The following NFIB variants were observed in gnomAD, a reference collection of about 807,000 sequenced individuals.
The protein encoded by NFIB is nuclear factor I B, also known as nuclear factor 1 B-type.
A neutral mutation model predicts 61.5 loss-of-function variants in NFIB; 11 were observed. That is an observed-to-expected ratio of 0.18 (90% CI 0.11 to 0.30). NFIB has a LOEUF of 0.30. NFIB is among the 10% of genes least tolerant of loss of function. The probability of loss-of-function intolerance (pLI) is 1.00; values close to 1 mark genes in which losing one functional copy is unlikely to be tolerated. For synonymous variants in NFIB, 260 were observed against 216.5 expected (o/e 1.20, Z -1.76); for missense variants, 471 against 608.9 (o/e 0.77, Z 2.38).
At chr9:14,355,813 C>T (rs1243978543) in intron 1 of NFIB, among the ~76,000 whole-genome samples, 1 of 152,062 alleles carries the variant, frequency 6.6e-6, no homozygotes, top group Non-Finnish European at 1.5e-5. Context: ...AGAAATTAGC[C>T]AGTCGTGGTG....
At chr9:14,422,670 A>G in the NFIB span, among the ~76,000 whole-genome samples, 1 of 152,246 alleles carries the variant, frequency 6.6e-6, no homozygotes, top group African/African-American at 2.4e-5. Context: ...TTGGCTCAGC[A>G]TAGGTCATGG....
intron 1 of NFIB, among the ~76,000 whole-genome samples, chr9:14,351,461 C>T: frequency 6.6e-6 from 1 of 152,186 alleles, no homozygotes; most frequent in East Asian, 1.9e-4. Flanking sequence ...CTTCTGCCTA[C>T]CAAGGGCATC....
chr9:14,288,062 T>C (rs1489459785), intron 2 of NFIB, among the ~76,000 whole-genome samples: 1 of 152,146 alleles, frequency 6.6e-6, no homozygotes, highest in African/African-American at 2.4e-5. Flanking sequence ...AAATACAGTA[T>C]ATTTGCAGAA....
chr9:14,323,695 C>G (rs1454448067), intron 1 of NFIB, among the ~76,000 whole-genome samples: 1 of 152,218 alleles, frequency 6.6e-6, no homozygotes, highest in African/African-American at 2.4e-5. Flanking sequence ...AATGTGAGCA[C>G]GTCAGTATTT....
At chr9:14,406,265 T>C in the NFIB span, among the ~76,000 whole-genome samples, 1 of 152,202 alleles carries the variant, frequency 6.6e-6, no homozygotes, top group Non-Finnish European at 1.5e-5. Context: ...CAGTAAAATA[T>C]GACACCTTCA....
At chr9:14,310,869 G>T (rs2132731150) in intron 1 of NFIB, among the ~76,000 whole-genome samples, 1 of 152,208 alleles carries the variant, frequency 6.6e-6, no homozygotes, top group Non-Finnish European at 1.5e-5. Flanking sequence ...CCGTTTCCAT[G>T]AAAGGGATGG....
the NFIB span, among the ~76,000 whole-genome samples, chr9:14,423,215 C>T: frequency 3.5e-4 from 54 of 152,224 alleles, no homozygotes; most frequent in African/African-American, 1.2e-3. Flanking sequence ...CGGGGCAAAA[C>T]GTACTCATCT....
At chr9:14,204,519 C>T in intron 2 of NFIB, 2 of 1,276,114 alleles carry the variant, frequency 1.6e-6, no homozygotes, top group South Asian at 2.4e-5. Flanking sequence ...GACCACCAAA[C>T]AGCTACTCAG....
intron 2 of NFIB, among the ~76,000 whole-genome samples, chr9:14,253,283 TGAAA>T (rs2055858920): frequency 6.6e-6 from 1 of 152,158 alleles, no homozygotes; most frequent in Non-Finnish European, 1.5e-5. Context: ...AACAAATGTT[TGAAA>T]GAAAGAGACT....
the NFIB span, among the ~76,000 whole-genome samples, chr9:14,520,783 A>G: frequency 6.6e-6 from 1 of 152,246 alleles, no homozygotes; most frequent in Non-Finnish European, 1.5e-5. Flanking sequence ...GTAGAAAACT[A>G]GTAAATGTGC....
At chr9:14,196,688 T>TA (rs35353437) in intron 2 of NFIB, among the ~76,000 whole-genome samples, 23 of 140,406 alleles carry the variant, frequency 1.6e-4, no homozygotes, top group Middle Eastern at 7.6e-3. Flanking sequence ...TATTCTAACT[T>TA]AAAAAAAAAA....
At chr9:14,122,045 A>G (rs1041819050) in intron 7 of NFIB, among the ~76,000 whole-genome samples, 5 of 152,254 alleles carry the variant, frequency 3.3e-5, no homozygotes, top group African/African-American at 1.2e-4. Context: ...AATTCAAATA[A>G]TAGGAAATTA....
chr9:14,090,565 TAG>T (rs2033728614), intron 10 of NFIB, among the ~76,000 whole-genome samples: 1 of 152,232 alleles, frequency 6.6e-6, no homozygotes, highest in African/African-American at 2.4e-5. Flanking sequence ...TCTATCTTTA[TAG>T]AGTCTGAGCA....
At chr9:14,421,964 A>G in the NFIB span, among the ~76,000 whole-genome samples, 1 of 152,130 alleles carries the variant, frequency 6.6e-6, no homozygotes, top group African/African-American at 2.4e-5. Flanking sequence ...TTTTCTACCT[A>G]GCACTTCATT....
chr9:14,247,155 C>T (rs2055029555), intron 2 of NFIB, among the ~76,000 whole-genome samples: 1 of 152,208 alleles, frequency 6.6e-6, no homozygotes, highest in African/African-American at 2.4e-5. Context: ...ATTTAAGCCA[C>T]CCAGTCTATG....
chr9:14,531,861 A>G, the NFIB span: 1 of 152,140 alleles, frequency 6.6e-6, no homozygotes, highest in African/African-American at 2.4e-5. Context: ...TAACACGTGC[A>G]TGGAACAATA....
chr9:14,134,483 T>C (rs780414502), intron 6 of NFIB, among the ~76,000 whole-genome samples: 2 of 152,166 alleles, frequency 1.3e-5, no homozygotes, highest in Non-Finnish European at 2.9e-5. Flanking sequence ...TGCAGTGATG[T>C]TCACTGTATC....
chr9:14,123,171 T>C (rs1205590139), intron 7 of NFIB, among the ~76,000 whole-genome samples: 1 of 150,570 alleles, frequency 6.6e-6, no homozygotes, highest in Non-Finnish European at 1.5e-5. Flanking sequence ...GCAGGAGAAT[T>C]GCTTGAACCT....
At chr9:14,267,723 T>G (rs868868295) in intron 2 of NFIB, among the ~76,000 whole-genome samples, 4 of 152,236 alleles carry the variant, frequency 2.6e-5, no homozygotes, top group Non-Finnish European at 2.9e-5. Context: ...GCAGAGACCA[T>G]GTCTGTCTTG....
Sources: gnomAD v4.1 joint callset for allele counts (sites outside exome capture counted in the v4.1 genomes callset) on GRCh38, gnomAD v4.1.1 for gene constraint, MANE v1.5 for transcripts, NCBI Gene and HGNC (gene_info 2026-07-23, HGNC 2026-07-21) for gene names.